The following FBXO28 variants were observed in gnomAD, a reference collection of about 807,000 sequenced individuals.
The protein encoded by FBXO28 is F-box protein 28, also known as F-box only protein 28.
FBXO28 carries 8 observed loss-of-function variants against 38.1 expected under a neutral mutation model. The observed-to-expected ratio is 0.21, with a 90% CI of 0.12 to 0.38. The LOEUF (loss-of-function observed/expected upper bound fraction) is 0.38. Ranked by LOEUF, FBXO28 falls within the 10% of genes least tolerant of loss-of-function variation. FBXO28 has a pLI of 1.00. For synonymous variants in FBXO28, 168 were observed against 173.8 expected (o/e 0.97, Z 0.26); for missense variants, 345 against 460.6 (o/e 0.75, Z 2.30).
At chr1:224,120,000 A>AT (rs1209552675) in intron 1 of FBXO28, among the ~76,000 whole-genome samples, 1 of 152,200 alleles carries the variant, frequency 6.6e-6, no homozygotes, top group Non-Finnish European at 1.5e-5. Flanking sequence ...AAATAAGGGC[A>AT]TTTTAAAAAA....
chr1:224,153,827 A>G (rs571840178), intron 4 of FBXO28, among the ~76,000 whole-genome samples: 8 of 152,166 alleles, frequency 5.3e-5, no homozygotes, highest in Admixed American at 4.6e-4. Flanking sequence ...AGGCTGAGGC[A>G]GGAGAACCGC....
rs771426966 is a variant in FBXO28 at position 224,157,361 on chromosome 1, C to T, written c.722C>T (p.Pro241Leu). The change falls in exon 5 of 5, where the codon CCG becomes CTG. Residue 241 changes from proline (P) to leucine (L), a missense_variant. Transcript: ENST00000366862. Reference sequence around the variant, plus strand: ...AATTATTCCTCCACAGTTCCAGGACCGTCTGCAGCCCTAACAACAATGCAG... The same window carrying T: ...AATTATTCCTCCACAGTTCCAGGACTGTCTGCAGCCCTAACAACAATGCAG... ...RLMGSPPVPG[P>L]SAALTTMQLF... 3 of 1,604,892 alleles carry T rather than the reference C, an allele frequency of 1.9e-6. No homozygotes were observed. The highest frequency in any genetic ancestry group is 3.4e-5 in the Admixed American group (2 of 58,462).
rs1657894388 is a variant in FBXO28 at position 224,161,000 on chromosome 1, CA to C, written c.*3255del. 1 of 152,074 alleles carries C rather than the reference CA, an allele frequency of 6.6e-6. No homozygotes were observed. The highest frequency in any genetic ancestry group is 1.5e-5 in the Non-Finnish European group (1 of 68,018). 9.4% of individuals were successfully genotyped at this position (152,074 alleles called of 1,614,324 possible). On this transcript the variant is annotated 3_prime_UTR_variant, in exon 5 of 5. Transcript: ENST00000366862. Reference sequence around the variant, plus strand: ...CACCTTAAGATTGCACTATTTTATGCATTATTTTATATGCCATTTCATAGCC... The same window carrying C: ...CACCTTAAGATTGCACTATTTTATGCTTATTTTATATGCCATTTCATAGCC...
chr1:224,156,951 G>A (rs12064453), intron 4 of FBXO28, among the ~76,000 whole-genome samples: 5 of 149,786 alleles, frequency 3.3e-5, no homozygotes, highest in Admixed American at 6.6e-5. Flanking sequence ...GCAGTGAGCC[G>A]AGATCACGCC....
intron 1 of FBXO28, among the ~76,000 whole-genome samples, chr1:224,116,573 A>T (rs114313665): frequency 1.3e-5 from 2 of 152,210 alleles, no homozygotes; most frequent in Admixed American, 6.5e-5. Context: ...ATTAGTTTTC[A>T]TAAAGCTAAA....
At chr1:224,151,176 A>G (rs973328841) in intron 3 of FBXO28, among the ~76,000 whole-genome samples, 9 of 152,184 alleles carry the variant, frequency 5.9e-5, no homozygotes, top group Admixed American at 4.6e-4. Flanking sequence ...GCAATCAGCC[A>G]TCATCCAAAA....
At chr1:224,130,640 CT>C in intron 2 of FBXO28, 59 bp downstream of exon 2, 4 of 1,153,338 alleles carry the variant, frequency 3.5e-6, no homozygotes, top group South Asian at 1.3e-5. Context: ...TGCTTGACTT[CT>C]TTTTTTCAGT....
intron 3 of FBXO28, among the ~76,000 whole-genome samples, chr1:224,146,889 G>A (rs1390475245): frequency 6.6e-6 from 1 of 150,908 alleles, no homozygotes; most frequent in African/African-American, 2.4e-5. Flanking sequence ...TGTATTTTTA[G>A]TAGAGACAGG....
At chr1:224,127,542 G>GT (rs1656935537) in intron 1 of FBXO28, among the ~76,000 whole-genome samples, 4 of 151,966 alleles carry the variant, frequency 2.6e-5, no homozygotes, top group East Asian at 1.9e-4. Context: ...TTATGTCTTT[G>GT]TTTTTTTCAG....
chr1:224,122,689 T>C (rs1656807215), intron 1 of FBXO28, among the ~76,000 whole-genome samples: 1 of 152,204 alleles, frequency 6.6e-6, no homozygotes, highest in Non-Finnish European at 1.5e-5. Context: ...AATGGTTCTG[T>C]AATTCACATT....
chr1:224,152,840 A>C (rs1657677868), intron 3 of FBXO28, among the ~76,000 whole-genome samples: 1 of 149,782 alleles, frequency 6.7e-6, no homozygotes, highest in Non-Finnish European at 1.5e-5. Flanking sequence ...GAGGCAGAGA[A>C]TTGCTTGAAC....
At chr1:224,115,056 A>G (rs1255784286) in intron 1 of FBXO28, among the ~76,000 whole-genome samples, 2 of 152,178 alleles carry the variant, frequency 1.3e-5, no homozygotes, top group African/African-American at 4.8e-5. Flanking sequence ...CCCACCGTAG[A>G]GAAGCAACTT....
chr1:224,154,129 C>G (rs1290084480), intron 4 of FBXO28, among the ~76,000 whole-genome samples: 1 of 152,212 alleles, frequency 6.6e-6, no homozygotes, highest in Non-Finnish European at 1.5e-5. Flanking sequence ...AAAAAATGCA[C>G]TTAATACACG....
chr1:224,148,531 G>A (rs1027744446), intron 3 of FBXO28, among the ~76,000 whole-genome samples: 2 of 151,762 alleles, frequency 1.3e-5, no homozygotes, highest in East Asian at 1.9e-4. Context: ...GTGTGGTGGC[G>A]GGTGCCTGTA....
intron 3 of FBXO28, among the ~76,000 whole-genome samples, chr1:224,137,322 A>C (rs1657215975): frequency 1.3e-5 from 2 of 151,604 alleles, no homozygotes; most frequent in Non-Finnish European, 2.9e-5. Context: ...CAAGAGATCG[A>C]GACCATCCTG....
chr1:224,149,020 T>C (rs1176105455), intron 3 of FBXO28, among the ~76,000 whole-genome samples: 1 of 152,188 alleles, frequency 6.6e-6, no homozygotes, highest in African/African-American at 2.4e-5. Flanking sequence ...CTGGATAGGA[T>C]CTGTGTCTTA....
In FBXO28 at chr1:224,159,599, C is replaced by T. The variant is rs1475249958; in HGVS notation, c.*1853C>T. On this transcript the variant is annotated 3_prime_UTR_variant, in exon 5 of 5. Coordinates refer to ENST00000366862, the MANE Select transcript of FBXO28 (RefSeq NM_015176.4). ...CCCCGTCTGGAACTCGTTTTCTCAG[C>T]ACTTCTCATTTTTATAATCATAGTA... 6.6e-6 allele frequency: 1 copy of T among 152,498 alleles called. No individual in the cohort carries two copies. Among genetic ancestry groups the T allele is most frequent in the African/African-American group, 2.4e-5 (1 of 41,430 alleles). 9.4% of individuals were successfully genotyped at this position (152,498 alleles called of 1,614,324 possible). A position where few individuals can be genotyped will look rare whatever the true frequency, so the allele number is the denominator to read the frequency against.
At chr1:224,147,101 CTG>C (rs1399972874) in intron 3 of FBXO28, among the ~76,000 whole-genome samples, 1 of 151,822 alleles carries the variant, frequency 6.6e-6, no homozygotes, top group African/African-American at 2.4e-5. Context: ...TAGTGAGACT[CTG>C]TCAAAAAATA....
chr1:224,124,104 C>T (rs1447312622), intron 1 of FBXO28, among the ~76,000 whole-genome samples: 1 of 152,118 alleles, frequency 6.6e-6, no homozygotes, highest in African/African-American at 2.4e-5. Context: ...GAGCAAAACT[C>T]CATCTCAAAC....
Sources: allele counts gnomAD v4.1 joint callset (sites outside exome capture counted in the v4.1 genomes callset), GRCh38; gene constraint gnomAD v4.1.1; transcripts MANE v1.5; gene names NCBI Gene and HGNC (gene_info 2026-07-23, HGNC 2026-07-21).